The following GSK3B variants were observed in gnomAD, a reference collection of about 807,000 sequenced individuals.
GSK3B encodes glycogen synthase kinase 3 beta, also known as glycogen synthase kinase-3 beta.
In GSK3B, 15 loss-of-function variants were observed where a neutral mutation model predicts 56.4. The ratio of observed to expected loss-of-function variants is 0.27; its 90% CI spans 0.18 to 0.41. GSK3B has a LOEUF of 0.41. GSK3B is among the 10% of genes least tolerant of loss of function. GSK3B has a pLI of 1.00. For synonymous variants in GSK3B, 181 were observed against 188.9 expected (o/e 0.96, Z 0.34); for missense variants, 300 against 513.4 (o/e 0.58, Z 4.02).
At chr3:119,855,670 T>C (rs1449202650) in intron 9 of GSK3B, among the ~76,000 whole-genome samples, 2 of 152,208 alleles carry the variant, frequency 1.3e-5, no homozygotes, top group South Asian at 2.1e-4. Context: ...TGAGTTCATG[T>C]CCTCTGTAGG....
At chr3:119,870,836 C>T (rs1306409558) in intron 8 of GSK3B, among the ~76,000 whole-genome samples, 2 of 152,090 alleles carry the variant, frequency 1.3e-5, no homozygotes, top group Non-Finnish European at 2.9e-5. Flanking sequence ...TAGAACAAAA[C>T]AGACAAGTGG....
intron 8 of GSK3B, among the ~76,000 whole-genome samples, chr3:119,873,022 C>G (rs982115830): frequency 9.2e-5 from 14 of 152,244 alleles, no homozygotes; most frequent in Middle Eastern, 3.4e-3. Flanking sequence ...CAGTGTACAG[C>G]GTACACCAAG....
At chr3:119,969,966 C>T (rs1055879935) in intron 2 of GSK3B, among the ~76,000 whole-genome samples, 1 of 152,188 alleles carries the variant, frequency 6.6e-6, no homozygotes, top group Non-Finnish European at 1.5e-5. Flanking sequence ...CTTGTCCATA[C>T]TGAACATGTT....
chr3:120,068,505 C>T (rs956906687), intron 1 of GSK3B, among the ~76,000 whole-genome samples: 2 of 151,368 alleles, frequency 1.3e-5, no homozygotes, highest in African/African-American at 2.4e-5. Flanking sequence ...GTTCAAGACC[C>T]GCCTGGGCAA....
At chr3:119,870,046 A>G (rs2056232571) in intron 8 of GSK3B, among the ~76,000 whole-genome samples, 1 of 152,098 alleles carries the variant, frequency 6.6e-6, no homozygotes, top group South Asian at 2.1e-4. Context: ...AGCTCTCTCC[A>G]CCTTGAGAGA....
chr3:119,896,527 AT>A (rs1308395435), intron 7 of GSK3B, among the ~76,000 whole-genome samples: 1 of 151,824 alleles, frequency 6.6e-6, no homozygotes, highest in Non-Finnish European at 1.5e-5. Flanking sequence ...GATTTCCTTC[AT>A]ACTGTCTTAA....
At chr3:120,005,763 G>C (rs1051199685) in intron 1 of GSK3B, among the ~76,000 whole-genome samples, 10 of 152,160 alleles carry the variant, frequency 6.6e-5, no homozygotes, top group Non-Finnish European at 1.0e-4. Flanking sequence ...CCTTACAAGA[G>C]CTCCTGAAGG....
intron 2 of GSK3B, among the ~76,000 whole-genome samples, chr3:119,998,992 G>T (rs903478621): frequency 6.6e-6 from 1 of 152,076 alleles, no homozygotes; most frequent in Non-Finnish European, 1.5e-5. Flanking sequence ...CTATATCAAG[G>T]TTTAAAGTTT....
intron 1 of GSK3B, among the ~76,000 whole-genome samples, chr3:120,028,215 G>A (rs1332003772): frequency 1.3e-5 from 2 of 152,156 alleles, no homozygotes; most frequent in Non-Finnish European, 2.9e-5. Flanking sequence ...TGTTTATCTA[G>A]TCTTAACTTT....
chr3:119,866,693 G>C, intron 8 of GSK3B: 1 of 1,040,016 alleles, frequency 9.6e-7, no homozygotes, highest in Non-Finnish European at 1.5e-6. Flanking sequence ...GAATAGTCCA[G>C]CAAGGAAAAA....
At chr3:120,010,842 C>T (rs111681909) in intron 1 of GSK3B, among the ~76,000 whole-genome samples, 1,850 of 152,232 alleles carry the variant, frequency 0.012, 33 homozygotes, top group African/African-American at 0.042. Context: ...CCAAGGTGGG[C>T]GGATCACTCA....
intron 2 of GSK3B, among the ~76,000 whole-genome samples, chr3:119,999,101 T>C (rs116935862): frequency 6.6e-6 from 1 of 152,308 alleles, no homozygotes; most frequent in East Asian, 1.9e-4. Context: ...AATTGAACAA[T>C]GGCTAATTAG....
chr3:120,036,110 T>C lies in GSK3B; in HGVS notation c.89-33871A>G, dbSNP rs184916806. ...AACTATGTATTAGCTCCGGGTTTTT[T>C]CATAGATGTTATCAGATGGAGCAAG... On this transcript the variant is annotated intron_variant, in intron 1 of 10. Coordinates refer to ENST00000264235, the MANE Select transcript of GSK3B (RefSeq NM_001146156.2). Among the ~76,000 whole-genome samples the C allele has an allele frequency of 6.3e-3, 965 of 152,344 alleles. 8 individuals are homozygous for C. The highest frequency in any genetic ancestry group is 9.9e-3 in the Admixed American group (151 of 15,298).
At chr3:119,891,115 G>A (rs537800516) in intron 7 of GSK3B, among the ~76,000 whole-genome samples, 1 of 151,976 alleles carries the variant, frequency 6.6e-6, no homozygotes, top group African/African-American at 2.4e-5. Context: ...GTGCTACACT[G>A]CACTGGAAAG....
At chr3:119,848,700 A>G (rs1489654284) in intron 9 of GSK3B, among the ~76,000 whole-genome samples, 1 of 152,222 alleles carries the variant, frequency 6.6e-6, no homozygotes, top group Non-Finnish European at 1.5e-5. Flanking sequence ...TATTCAAATC[A>G]GTACCTAAAC....
chr3:119,876,516 GA>G lies in GSK3B; in HGVS notation c.814-9del. On this transcript the variant is annotated splice_polypyrimidine_tract_variant and intron_variant, in intron 7 of 10. Coordinates refer to ENST00000264235, the MANE Select transcript of GSK3B (RefSeq NM_001146156.2). ...TGTTGGAGTTCCCAGGACCTAGAAA[GA>G]AAGCAAGTTATTGCCATCTTTTCCT... The G allele has an allele frequency of 4.7e-6, 7 of 1,479,188 alleles. No individual in the cohort carries two copies. The highest frequency in any genetic ancestry group is 6.6e-6 in the Non-Finnish European group (7 of 1,058,008). 91.6% of individuals were successfully genotyped at this position (1,479,188 alleles called of 1,614,324 possible). A position where few individuals can be genotyped will look rare whatever the true frequency, so the allele number is the denominator to read the frequency against.
intron 2 of GSK3B, among the ~76,000 whole-genome samples, chr3:119,978,264 C>T (rs1017911215): frequency 6.6e-6 from 1 of 151,996 alleles, no homozygotes; most frequent in Non-Finnish European, 1.5e-5. Flanking sequence ...AAGATGTCTG[C>T]CCCAAGATAA....
chr3:119,826,805 C>G lies in GSK3B; in HGVS notation c.1246G>C (p.Ala416Pro). 6.2e-7 allele frequency: 1 copy of G among 1,612,386 alleles called. No individual in the cohort carries two copies. Among genetic ancestry groups the G allele is most frequent in the Non-Finnish European group, 8.5e-7 (1 of 1,178,426 alleles). ...GGGACTGTTCAGGTGGAGTTGGAAGCTGATGCAGAAGCAGCATTATTGGTC... is the reference window on the plus strand; with the variant it reads ...GGGACTGTTCAGGTGGAGTTGGAAGGTGATGCAGAAGCAGCATTATTGGTC... ...GQTNNAASAS[A>P]SNST Residue 416 changes from alanine to proline, a missense_variant, in exon 11 of 11, where the codon GCT becomes CCT. Ala to Pro is a conservative substitution (Grantham distance 27, BLOSUM62 -1). This residue lies in a region of GSK3B where 88 missense variants were observed against 92.7 expected (regional missense o/e 0.95). Transcript: ENST00000264235.
At chr3:119,965,994 G>A (rs1490149384) in intron 2 of GSK3B, among the ~76,000 whole-genome samples, 2 of 152,182 alleles carry the variant, frequency 1.3e-5, no homozygotes, top group Admixed American at 1.3e-4. Flanking sequence ...GAATCTACAG[G>A]AAGATAGTCT....
Sources: gnomAD v4.1 joint callset for allele counts (sites outside exome capture counted in the v4.1 genomes callset) on GRCh38, gnomAD v4.1.1 for gene constraint, gnomAD v4.1.1 regional missense constraint, MANE v1.5 for transcripts, NCBI Gene and HGNC (gene_info 2026-07-23, HGNC 2026-07-21) for gene names.